PTH2R: variants seen among roughly 807,000 people sequenced by gnomAD.
PTH2R encodes the protein parathyroid hormone 2 receptor.
In PTH2R, 59 loss-of-function variants were observed where a neutral mutation model predicts 60.3. The ratio of observed to expected loss-of-function variants is 0.98; its 90% CI spans 0.79 to 1.22. The LOEUF (loss-of-function observed/expected upper bound fraction) is 1.22. PTH2R is among the 50% of genes most tolerant of loss of function. The pLI is 0.00. For synonymous variants in PTH2R, 256 were observed against 243.8 expected (o/e 1.05, Z -0.47); for missense variants, 749 against 682.6 (o/e 1.10, Z -1.08).
chr2:208,493,145 G>A (rs6717082), intron 12 of PTH2R, 119 bp from the exon 13 acceptor site: 94,158 of 1,124,778 alleles, frequency 0.084, 6,236 homozygotes, highest in African/African-American at 0.33. Flanking sequence ...TCCCTGGCAC[G>A]TAGAGGAACC....
intron 1 of PTH2R, among the ~76,000 whole-genome samples, chr2:208,411,039 A>G (rs1701530098): frequency 6.6e-6 from 1 of 152,218 alleles, no homozygotes; most frequent in African/African-American, 2.4e-5. Flanking sequence ...TGAGGTCAGG[A>G]GTTCGAGACC....
intron 2 of PTH2R, among the ~76,000 whole-genome samples, chr2:208,430,546 C>CTTT (rs760898660): frequency 1.6e-4 from 19 of 118,216 alleles, no homozygotes; most frequent in African/African-American, 4.4e-4. Flanking sequence ...TGTCTGGCTT[C>CTTT]TTTTTTTTTT....
chr2:208,443,316 C>G (rs1348603988), intron 5 of PTH2R, 32 bp from the exon 6 acceptor site: 1 of 1,469,222 alleles, frequency 6.8e-7, no homozygotes, highest in East Asian at 2.5e-5. Context: ...TAATTTTATC[C>G]AAATTTAAAT....
intron 10 of PTH2R, among the ~76,000 whole-genome samples, chr2:208,481,806 C>G (rs1703159214): frequency 6.6e-6 from 1 of 152,116 alleles, no homozygotes; most frequent in Admixed American, 6.5e-5. Flanking sequence ...CTGAAAAGAT[C>G]AAGTGGATTT....
At chr2:208,419,937 G>A (rs1036663006) in intron 1 of PTH2R, among the ~76,000 whole-genome samples, 10 of 152,294 alleles carry the variant, frequency 6.6e-5, no homozygotes, top group African/African-American at 2.2e-4. Context: ...CATATACACT[G>A]TGGAATACTA....
At chr2:208,393,614 C>T (rs551090616) in intron 1 of PTH2R, among the ~76,000 whole-genome samples, 15 of 152,260 alleles carry the variant, frequency 9.9e-5, no homozygotes, top group East Asian at 1.9e-4. Flanking sequence ...TGCTCATCTC[C>T]GTATTTTTCT....
At chr2:208,450,908 GC>G (rs1472117936) in intron 8 of PTH2R, 99 bp downstream of exon 8, 3 of 1,314,478 alleles carry the variant, frequency 2.3e-6, no homozygotes, top group Non-Finnish European at 3.3e-6. Context: ...TGATGCCATT[GC>G]TTTTTAGGGA....
intron 1 of PTH2R, among the ~76,000 whole-genome samples, chr2:208,395,268 C>T (rs552807758): frequency 1.3e-5 from 2 of 152,040 alleles, no homozygotes; most frequent in African/African-American, 2.4e-5. Flanking sequence ...AGGATGGTCT[C>T]GATCTCCTGA....
At chr2:208,392,985 C>A (rs1296047993) in intron 1 of PTH2R, among the ~76,000 whole-genome samples, 1 of 152,206 alleles carries the variant, frequency 6.6e-6, no homozygotes, top group Non-Finnish European at 1.5e-5. Context: ...AAGGAAGGTT[C>A]GTATTGCTGT....
At chr2:208,455,073 C>A (rs749674378) in intron 8 of PTH2R, among the ~76,000 whole-genome samples, 2 of 152,178 alleles carry the variant, frequency 1.3e-5, no homozygotes, top group Non-Finnish European at 2.9e-5. Context: ...TTTTTCCTTA[C>A]TTTGATCCCT....
chr2:208,474,000 C>A (rs544375904), intron 9 of PTH2R, among the ~76,000 whole-genome samples: 3 of 152,120 alleles, frequency 2.0e-5, no homozygotes, highest in South Asian at 4.2e-4. Flanking sequence ...AACTCATATC[C>A]AAGGTCATAC....
rs1701594513 is a variant in PTH2R, at chr2:208,414,162, T to C, written c.75+7044T>C. ...CCAAGCTGTCTTATCTTTGTTTTAC[T>C]GTCTGCTCTTTCTGGTTGCTTGTTT... On this transcript the variant is annotated intron_variant, in intron 1 of 12. Coordinates refer to ENST00000272847, the MANE Select transcript of PTH2R (RefSeq NM_005048.4). Among the ~76,000 whole-genome samples the C allele has an allele frequency of 2.0e-5, 3 of 152,224 alleles. No homozygotes were observed. The South Asian group carries it at 6.2e-4, about 31-fold the overall frequency.
At chr2:208,485,979 A>G (rs1269901744) in intron 10 of PTH2R, among the ~76,000 whole-genome samples, 2 of 152,218 alleles carry the variant, frequency 1.3e-5, no homozygotes, top group East Asian at 3.8e-4. Context: ...AAAAGCCTGC[A>G]GGTATTGTGT....
chr2:208,373,992 GA>G (rs1314882655), intron 1 of PTH2R, among the ~76,000 whole-genome samples: 1 of 151,918 alleles, frequency 6.6e-6, no homozygotes, highest in Non-Finnish European at 1.5e-5. Flanking sequence ...CTATATCATT[GA>G]AATAGTAGAT....
intron 10 of PTH2R, among the ~76,000 whole-genome samples, chr2:208,481,463 G>A (rs1703151769): frequency 6.6e-6 from 1 of 152,050 alleles, no homozygotes; most frequent in South Asian, 2.1e-4. Flanking sequence ...TGCCTGCCTT[G>A]GCCTCCCAAA....
At chr2:208,416,344 A>G (rs994914241) in intron 1 of PTH2R, among the ~76,000 whole-genome samples, 2 of 152,226 alleles carry the variant, frequency 1.3e-5, no homozygotes, top group African/African-American at 2.4e-5. Flanking sequence ...AGCACTTTGT[A>G]GGAAATATTT....
intron 10 of PTH2R, among the ~76,000 whole-genome samples, chr2:208,482,554 G>T (rs1335982355): frequency 6.6e-6 from 1 of 152,152 alleles, no homozygotes; most frequent in African/African-American, 2.4e-5. Flanking sequence ...GTGTGCATTA[G>T]TAATTTCTAA....
intron 2 of PTH2R, among the ~76,000 whole-genome samples, chr2:208,431,489 A>T (rs1701970751): frequency 6.6e-6 from 1 of 152,236 alleles, no homozygotes; most frequent in African/African-American, 2.4e-5. Context: ...TGTGTTTGCA[A>T]CTGCAAGGTG....
chr2:208,423,955 C>G (rs574126819), intron 1 of PTH2R, among the ~76,000 whole-genome samples: 1 of 152,118 alleles, frequency 6.6e-6, no homozygotes, highest in Non-Finnish European at 1.5e-5. Context: ...AGTTTTGGTT[C>G]CTCCGTCAGC....
Sources: allele counts gnomAD v4.1 joint callset (sites outside exome capture counted in the v4.1 genomes callset), GRCh38; gene constraint gnomAD v4.1.1; transcripts MANE v1.5; gene names NCBI Gene and HGNC (gene_info 2026-07-23, HGNC 2026-07-21).